Variants in SLC44A1 observed in about 807,000 individuals in gnomAD.
SLC44A1 encodes the protein solute carrier family 44 member 1.
Under a neutral mutation model 79.3 loss-of-function variants are expected in SLC44A1, and 26 were observed. The ratio of observed to expected loss-of-function variants is 0.33; its 90% CI spans 0.24 to 0.46. The LOEUF is 0.46. SLC44A1 is among the 20% of genes least tolerant of loss of function. SLC44A1 has a pLI of 1.00. For missense variants in SLC44A1, 688 were observed against 798.1 expected (o/e 0.86, Z 1.66); for synonymous variants, 263 against 286.2 (o/e 0.92, Z 0.82).
At chr9:105,372,329 C>T (rs1388366920) in intron 12 of SLC44A1, among the ~76,000 whole-genome samples, 1 of 152,060 alleles carries the variant, frequency 6.6e-6, no homozygotes, top group African/African-American at 2.4e-5. Flanking sequence ...CACTCTGTGG[C>T]CCAGGCTGGA....
At chr9:105,435,364 G>A (rs137927105) in intron 15 of SLC44A1, among the ~76,000 whole-genome samples, 2,457 of 152,280 alleles carry the variant, frequency 0.016, 78 homozygotes, top group African/African-American at 0.056. Context: ...GGCTGAGTCC[G>A]AGAAAGGAGT....
chr9:105,387,038 C>CA (rs1554688948), intron 15 of SLC44A1, among the ~76,000 whole-genome samples: 2 of 21,794 alleles, frequency 9.2e-5, no homozygotes, highest in Non-Finnish European at 8.5e-5. Flanking sequence ...GACTCCATCT[C>CA]AAAAAAAAAA....
chr9:105,313,445 T>C (rs1831233581), intron 3 of SLC44A1, among the ~76,000 whole-genome samples: 1 of 152,212 alleles, frequency 6.6e-6, no homozygotes, highest in Non-Finnish European at 1.5e-5. Context: ...CTCATAAGGC[T>C]GCACTTAAAT....
chr9:105,262,964 A>G (rs533684878), intron 1 of SLC44A1, among the ~76,000 whole-genome samples: 1 of 152,348 alleles, frequency 6.6e-6, no homozygotes, highest in South Asian at 2.1e-4. Flanking sequence ...AGCTGAAAGG[A>G]GGTGGAGGTG....
At chr9:105,377,477 G>A (rs141876348) in intron 13 of SLC44A1, among the ~76,000 whole-genome samples, 76 of 151,992 alleles carry the variant, frequency 5.0e-4, no homozygotes, top group African/African-American at 1.8e-3. Flanking sequence ...TGAGTTGGGC[G>A]CGGTGGCTCA....
chr9:105,361,357 C>T (rs576639807), intron 8 of SLC44A1, 27 bp downstream of exon 8: 13 of 1,553,958 alleles, frequency 8.4e-6, no homozygotes, highest in East Asian at 2.3e-5. Context: ...GCGTGTCTTT[C>T]GGTTTTGTGT....
intron 8 of SLC44A1, 111 bp downstream of exon 8, chr9:105,361,441 T>A: frequency 1.0e-6 from 1 of 1,003,284 alleles, no homozygotes; most frequent in South Asian, 1.6e-5. Context: ...TGATCTCCAG[T>A]AGATAATATC....
chr9:105,389,318 T>C lies in SLC44A1; in HGVS notation c.*262T>C. The C allele has an allele frequency of 8.5e-7, 1 of 1,176,640 alleles. No homozygotes were observed. Among genetic ancestry groups the C allele is most frequent in the Non-Finnish European group, 1.1e-6 (1 of 952,082 alleles). The allele number at this position is 1,176,640 out of a possible 1,614,324, so 72.9% of individuals were successfully genotyped here. On this transcript the variant is annotated 3_prime_UTR_variant, in exon 16 of 16. Transcript: ENST00000374720. ...AGGCAACTTCCGTCATTTAATGTTTTCAACTGTAATTGTCTTAATGGAAAT... is the reference window on the plus strand; with the variant it reads ...AGGCAACTTCCGTCATTTAATGTTTCCAACTGTAATTGTCTTAATGGAAAT...
At chr9:105,298,356 G>C (rs538664228) in intron 1 of SLC44A1, among the ~76,000 whole-genome samples, 1 of 151,646 alleles carries the variant, frequency 6.6e-6, no homozygotes, top group African/African-American at 2.4e-5. Context: ...TGTTGTTGTT[G>C]TTTGTTTGTT....
chr9:105,332,347 T>C (rs1346319167), intron 3 of SLC44A1, among the ~76,000 whole-genome samples: 1 of 152,084 alleles, frequency 6.6e-6, no homozygotes, highest in Admixed American at 6.6e-5. Context: ...CTCCAACTCC[T>C]GACCTTAAGC....
At chr9:105,368,776 G>A (rs931799834) in intron 12 of SLC44A1, among the ~76,000 whole-genome samples, 1 of 152,272 alleles carries the variant, frequency 6.6e-6, no homozygotes, top group East Asian at 1.9e-4. Flanking sequence ...GGTGGCTCAC[G>A]CCTGTAATCC....
At chr9:105,376,601 C>T (rs917876636) in intron 13 of SLC44A1, among the ~76,000 whole-genome samples, 3 of 151,926 alleles carry the variant, frequency 2.0e-5, no homozygotes, top group Admixed American at 6.6e-5. Flanking sequence ...CTCAAACTCC[C>T]GACCTCAGGT....
chr9:105,305,645 T>G (rs888163125), intron 2 of SLC44A1, among the ~76,000 whole-genome samples: 8 of 152,138 alleles, frequency 5.3e-5, no homozygotes, highest in Non-Finnish European at 1.2e-4. Flanking sequence ...GGAGAGGGCT[T>G]TAAGCAGAAC....
At chr9:105,420,303 G>A (rs1162056396) in intron 15 of SLC44A1, among the ~76,000 whole-genome samples, 1 of 152,088 alleles carries the variant, frequency 6.6e-6, no homozygotes, top group Non-Finnish European at 1.5e-5. Context: ...GAAAACACTT[G>A]ATTAAATAAA....
At chr9:105,333,234 C>A (rs1220920697) in intron 3 of SLC44A1, among the ~76,000 whole-genome samples, 1 of 149,958 alleles carries the variant, frequency 6.7e-6, no homozygotes, top group African/African-American at 2.5e-5. Context: ...AAGGCCCTGG[C>A]AGCTTCTGGC....
At chr9:105,291,281 G>A (rs1390539879) in intron 1 of SLC44A1, among the ~76,000 whole-genome samples, 1 of 152,218 alleles carries the variant, frequency 6.6e-6, no homozygotes, top group Non-Finnish European at 1.5e-5. Flanking sequence ...AAGATTCTGA[G>A]TGTACAACTA....
chr9:105,420,407 C>A (rs1223541946), intron 15 of SLC44A1, among the ~76,000 whole-genome samples: 2 of 152,066 alleles, frequency 1.3e-5, no homozygotes, highest in African/African-American at 4.8e-5. Flanking sequence ...TCCTTTGTCC[C>A]GGAGACATGT....
chr9:105,260,459 A>G (rs1271352017), intron 1 of SLC44A1, among the ~76,000 whole-genome samples: 1 of 152,254 alleles, frequency 6.6e-6, no homozygotes, highest in Non-Finnish European at 1.5e-5. Flanking sequence ...AACCAGAAGC[A>G]ACAATAAGGT....
intron 12 of SLC44A1, among the ~76,000 whole-genome samples, chr9:105,371,951 AT>A (rs1166547519): frequency 6.6e-6 from 1 of 152,084 alleles, no homozygotes; most frequent in African/African-American, 2.4e-5. Context: ...AGTGTAGTTT[AT>A]TTTTACTTCA....
Sources: allele counts gnomAD v4.1 joint callset (sites outside exome capture counted in the v4.1 genomes callset), GRCh38; gene constraint gnomAD v4.1.1; transcripts MANE v1.5; gene names NCBI Gene and HGNC (gene_info 2026-07-23, HGNC 2026-07-21).